MARCHF1: variants seen among roughly 807,000 people sequenced by gnomAD.
MARCHF1 encodes membrane associated ring-CH-type finger 1.
Under a neutral mutation model 54.2 loss-of-function variants are expected in MARCHF1, and 40 were observed. The ratio of observed to expected loss-of-function variants is 0.74; its 90% CI spans 0.57 to 0.96. The LOEUF (loss-of-function observed/expected upper bound fraction) is 0.96. MARCHF1 is among the 40% of genes least tolerant of loss of function. The pLI, the probability that MARCHF1 is intolerant of heterozygous loss-of-function variation, is 0.00. For synonymous variants in MARCHF1, 236 were observed against 236.3 expected, an observed-to-expected ratio of 1.00 and a Z score of 0.01; for missense variants, 586 against 656.5, an observed-to-expected ratio of 0.89 and a Z score of 1.17.
chr4:164,049,527 A>G (rs1754314319), intron 2 of MARCHF1, among the ~76,000 whole-genome samples: 1 of 152,168 alleles, frequency 6.6e-6, no homozygotes, highest in African/African-American at 2.4e-5. Context: ...CAAGTACTAA[A>G]CTGTTCATGG....
intron 1 of MARCHF1, among the ~76,000 whole-genome samples, chr4:164,308,436 C>G (rs1231549103): frequency 6.6e-6 from 1 of 152,122 alleles, no homozygotes; most frequent in Non-Finnish European, 1.5e-5. Flanking sequence ...ATCACACTCC[C>G]TGGAGTTATG....
At chr4:163,799,374 C>T (rs1157093185) in intron 4 of MARCHF1, among the ~76,000 whole-genome samples, 1 of 152,030 alleles carries the variant, frequency 6.6e-6, no homozygotes, top group South Asian at 2.1e-4. Flanking sequence ...GAATATACAT[C>T]TTATAGCAAG....
chr4:163,700,095 A>G (rs1165155813), intron 5 of MARCHF1, among the ~76,000 whole-genome samples: 1 of 152,162 alleles, frequency 6.6e-6, no homozygotes, highest in Non-Finnish European at 1.5e-5. Flanking sequence ...CCCAAAGTCC[A>G]GAAAAATTAA....
At chr4:164,239,949 T>C (rs1420208683) in intron 1 of MARCHF1, among the ~76,000 whole-genome samples, 1 of 152,210 alleles carries the variant, frequency 6.6e-6, no homozygotes, top group Admixed American at 6.5e-5. Flanking sequence ...GATAAGTACA[T>C]GCTTAAGTAG....
rs576156176 is a variant in MARCHF1, at chr4:163,849,139, T to C, written c.111+4882A>G. Among the ~76,000 whole-genome samples the C allele has an allele frequency of 2.8e-3, 423 of 152,220 alleles. 2 individuals carry two copies. Among genetic ancestry groups the C allele is most frequent in the Non-Finnish European group, 5.0e-3 (341 of 67,982 alleles). On this transcript the variant is annotated intron_variant, in intron 4 of 9. Coordinates refer to ENST00000514618, the MANE Select transcript of MARCHF1 (RefSeq NM_001394959.1). ...TTAACCTGAGAAAGACGTGATAGAG[T>C]GGCCCTCTAGATTGAGACTGATTGG...
In MARCHF1 at chr4:163,996,506, T is replaced by A. The variant is rs574878517; in HGVS notation, c.-247-7797A>T. 7.2e-5 allele frequency among the ~76,000 whole-genome samples: 11 copies of A among 152,204 alleles called. No individual in the cohort carries two copies. In the East Asian group the frequency reaches 2.1e-3, roughly 29 times the overall value. On this transcript the variant is annotated intron_variant, in intron 2 of 9. Transcript: ENST00000514618. Reference sequence around the variant, plus strand: ...ATAGCCAATATGTCATTTTTTGTGTTCTTGGAAGAATAAAGATATAATTAG... The same window carrying A: ...ATAGCCAATATGTCATTTTTTGTGTACTTGGAAGAATAAAGATATAATTAG...
At chr4:163,656,017 A>G (rs1191442668) in intron 5 of MARCHF1, among the ~76,000 whole-genome samples, 1 of 151,932 alleles carries the variant, frequency 6.6e-6, no homozygotes, top group Admixed American at 6.6e-5. Context: ...AAAAGCAAAC[A>G]AACCCCAAAG....
intron 2 of MARCHF1, among the ~76,000 whole-genome samples, chr4:164,046,513 A>G (rs553003607): frequency 3.9e-5 from 6 of 152,330 alleles, no homozygotes; most frequent in Non-Finnish European, 8.8e-5. Flanking sequence ...TAAATGACCA[A>G]TGTGAATGTA....
intron 1 of MARCHF1, among the ~76,000 whole-genome samples, chr4:164,242,082 G>T (rs982977179): frequency 6.6e-6 from 1 of 152,162 alleles, no homozygotes; most frequent in African/African-American, 2.4e-5. Context: ...GCCTTGATTA[G>T]GTAAACAAAG....
intron 3 of MARCHF1, among the ~76,000 whole-genome samples, chr4:163,980,909 T>TG (rs1182539535): frequency 6.6e-6 from 1 of 152,234 alleles, no homozygotes; most frequent in African/African-American, 2.4e-5. Flanking sequence ...AGTCTGTACA[T>TG]GTTAAACATA....
intron 2 of MARCHF1, among the ~76,000 whole-genome samples, chr4:164,050,275 CAAAAAAAAA>C (rs34642436): frequency 0.029 from 1,153 of 40,272 alleles, 21 homozygotes; most frequent in African/African-American, 0.096. Context: ...ACACTGTCTC[CAAAAAAAAA>C]AAAAAAAAAA....
At chr4:164,162,323 T>C (rs1240665160) in intron 1 of MARCHF1, among the ~76,000 whole-genome samples, 2 of 152,046 alleles carry the variant, frequency 1.3e-5, no homozygotes, top group African/African-American at 4.8e-5. Flanking sequence ...CAGGTGGACA[T>C]GGAGACACCA....
chr4:164,069,635 C>T (rs1010786884), intron 2 of MARCHF1, among the ~76,000 whole-genome samples: 3 of 152,120 alleles, frequency 2.0e-5, no homozygotes, highest in South Asian at 2.1e-4. Context: ...CACATCCGAA[C>T]ATCAGAAGGA....
chr4:163,580,050 A>G (rs1274907640), intron 8 of MARCHF1, among the ~76,000 whole-genome samples: 1 of 146,886 alleles, frequency 6.8e-6, no homozygotes. Flanking sequence ...TGTCTTTTGT[A>G]GAGCCTTATT....
intron 1 of MARCHF1, among the ~76,000 whole-genome samples, chr4:164,279,658 A>G (rs1432603902): frequency 1.3e-5 from 2 of 151,358 alleles, no homozygotes; most frequent in African/African-American, 4.8e-5. Context: ...AATATGTACA[A>G]TTATTTGTCA....
Position 163,797,772 on chromosome 4 carries a change from C to T in MARCHF1, c.111+56249G>A, listed in dbSNP as rs571867910. On this transcript the variant is annotated intron_variant, in intron 4 of 9. Transcript: ENST00000514618. ...TAGAAAATCCATTCTTATTTATCCA[C>T]AATTTATACTTTCTATAATATATTA... 7.9e-5 allele frequency among the ~76,000 whole-genome samples: 12 copies of T among 152,146 alleles called. 1 individual carries two copies. Among genetic ancestry groups the T allele is most frequent in the Admixed American group, 3.3e-4 (5 of 15,258 alleles).
chr4:163,532,112 G>A (rs1264723137), intron 9 of MARCHF1, among the ~76,000 whole-genome samples: 1 of 151,796 alleles, frequency 6.6e-6, no homozygotes, highest in African/African-American at 2.4e-5. Flanking sequence ...AAGTGTATAT[G>A]GAGAGCAAAA....
At chr4:163,929,960 T>TATATATTATATATA (rs1751627382) in intron 3 of MARCHF1, among the ~76,000 whole-genome samples, 1 of 32,792 alleles carries the variant, frequency 3.0e-5, no homozygotes. Flanking sequence ...ATATATTATA[T>TATATATTATATATA]ATAATATATA....
chr4:164,100,671 A>G (rs557485621), intron 2 of MARCHF1, among the ~76,000 whole-genome samples: 1 of 152,332 alleles, frequency 6.6e-6, no homozygotes, highest in African/African-American at 2.4e-5. Context: ...CTCATTTATG[A>G]GTTGTCTCCC....
Sources: gnomAD v4.1 joint callset for allele counts (sites outside exome capture counted in the v4.1 genomes callset) on GRCh38, gnomAD v4.1.1 for gene constraint, MANE v1.5 for transcripts, NCBI Gene and HGNC (gene_info 2026-07-23, HGNC 2026-07-21) for gene names.